The following GRIK2 variants were observed in gnomAD, a reference collection of about 807,000 sequenced individuals.
GRIK2 encodes the protein glutamate receptor ionotropic, kainate 2.
GRIK2 carries 32 observed loss-of-function variants against 100.3 expected under a neutral mutation model. The ratio of observed to expected loss-of-function variants is 0.32; its 90% CI spans 0.24 to 0.43. The LOEUF is 0.43. Ranked by LOEUF, GRIK2 falls within the 20% of genes least tolerant of loss-of-function variation. The pLI, the probability that GRIK2 is intolerant of heterozygous loss-of-function variation, is 1.00. For missense variants in GRIK2, 843 were observed against 1,114.9 expected (o/e 0.76, Z 3.47); for synonymous variants, 417 against 389.4 (o/e 1.07, Z -0.83).
intron 4 of GRIK2, among the ~76,000 whole-genome samples, chr6:101,656,482 G>T (rs1410700238): frequency 6.6e-6 from 1 of 152,034 alleles, no homozygotes; most frequent in Middle Eastern, 3.2e-3. Flanking sequence ...TTTCATTTCA[G>T]CAAATAGGAT....
chr6:101,505,631 AAAGGTGTAAGTAGCT>A (rs1773983201), intron 2 of GRIK2, among the ~76,000 whole-genome samples: 1 of 152,146 alleles, frequency 6.6e-6, no homozygotes, highest in South Asian at 2.1e-4. Flanking sequence ...ACAAAGTCCC[AAAGGTGTAAGTAGCT>A]AATGTACCCA....
rs373352122 is a variant in GRIK2 at position 101,789,130 on chromosome 6, C to A, written c.952-10518C>A. ...AGCCCTTTGTCAGATGAGTAGGTTG[C>A]GAAAATTTTCTCCCATTTTGTAGGT... On this transcript the variant is annotated intron_variant, in intron 7 of 16. Coordinates refer to ENST00000369134, the MANE Select transcript of GRIK2 (RefSeq NM_021956.5). 3.9e-5 allele frequency among the ~76,000 whole-genome samples: 6 copies of A among 152,070 alleles called. 1 individual carries two copies. The highest frequency in any genetic ancestry group is 1.9e-4 in the East Asian group (1 of 5,172).
At chr6:101,577,311 A>G (rs1179504122) in intron 2 of GRIK2, among the ~76,000 whole-genome samples, 1 of 152,136 alleles carries the variant, frequency 6.6e-6, no homozygotes, top group Non-Finnish European at 1.5e-5. Flanking sequence ...AATATGTCAT[A>G]AAAAGCTATA....
chr6:101,928,141 C>A, intron 13 of GRIK2: 1 of 381,948 alleles, frequency 2.6e-6, no homozygotes, highest in African/African-American at 2.0e-5. Flanking sequence ...AAAATGTTTA[C>A]TCATTAATAT....
At chr6:101,651,678 G>A (rs954849607) in intron 4 of GRIK2, among the ~76,000 whole-genome samples, 2 of 152,092 alleles carry the variant, frequency 1.3e-5, no homozygotes, top group South Asian at 4.1e-4. Flanking sequence ...ACATTAAAGT[G>A]AGAACTTAAA....
intron 15 of GRIK2, among the ~76,000 whole-genome samples, chr6:102,054,611 C>T (rs1234135264): frequency 2.0e-5 from 3 of 152,008 alleles, no homozygotes; most frequent in Admixed American, 1.3e-4. Context: ...ATAAACAATA[C>T]GTTTTATTTA....
chr6:101,788,546 T>A (rs972362915), intron 7 of GRIK2, among the ~76,000 whole-genome samples: 6 of 152,090 alleles, frequency 3.9e-5, no homozygotes, highest in African/African-American at 1.4e-4. Flanking sequence ...AACTCATCAT[T>A]TTTTTATGGC....
At position 102,035,327 on chromosome 6, in the gene GRIK2, T is replaced by C. The variant is rs374006013; in HGVS notation, c.2086-14T>C. The C allele has an allele frequency of 4.3e-4, 652 of 1,510,202 alleles. 1 individual carries two copies. The highest frequency in any genetic ancestry group is 2.2e-3 in the Middle Eastern group (13 of 5,800). The allele number at this position is 1,510,202 out of a possible 1,614,324, so 93.6% of individuals were successfully genotyped here. ...ATAACTTTCTCGTGACCAACTTATA[T>C]TTATTTTCTTCAGAAATCAAAAATC... On this transcript the variant is annotated splice_polypyrimidine_tract_variant and intron_variant, in intron 14 of 16. Transcript: ENST00000369134.
rs541362074 is a variant in GRIK2 at position 102,016,779 on chromosome 6, C to G, written c.2086-18562C>G. Among the ~76,000 whole-genome samples, 8 of 151,998 alleles carry G rather than the reference C, an allele frequency of 5.3e-5. No individual in the cohort carries two copies. In the South Asian group the frequency reaches 1.5e-3, roughly 28 times the overall value. ...CAAATTCAGGAAATGCAGAGAACTC[C>G]CACAAAATATTTCACAAGAAGATTA... On this transcript the variant is annotated intron_variant, in intron 14 of 16. Transcript: ENST00000369134.
intron 7 of GRIK2, among the ~76,000 whole-genome samples, chr6:101,736,735 A>G (rs1005871017): frequency 6.6e-6 from 1 of 152,166 alleles, no homozygotes; most frequent in African/African-American, 2.4e-5. Context: ...TGCCCTGGAA[A>G]CATTTTCCCC....
At chr6:101,788,908 T>G (rs1269717973) in intron 7 of GRIK2, among the ~76,000 whole-genome samples, 2 of 152,166 alleles carry the variant, frequency 1.3e-5, no homozygotes. Flanking sequence ...CCATTCTAAC[T>G]GGTGTGAGAT....
At chr6:102,029,772 C>T (rs1769888739) in intron 14 of GRIK2, among the ~76,000 whole-genome samples, 1 of 151,152 alleles carries the variant, frequency 6.6e-6, no homozygotes, top group East Asian at 2.0e-4. Flanking sequence ...TTTTTTTCAG[C>T]TTCACTGAGG....
At chr6:101,922,693 A>G (rs1789636606) in intron 12 of GRIK2, among the ~76,000 whole-genome samples, 1 of 152,112 alleles carries the variant, frequency 6.6e-6, no homozygotes, top group Non-Finnish European at 1.5e-5. Context: ...GGGCAGGGGA[A>G]CTAATGGCAT....
chr6:101,881,846 C>T (rs964641918), intron 11 of GRIK2, among the ~76,000 whole-genome samples: 2 of 152,006 alleles, frequency 1.3e-5, no homozygotes, highest in East Asian at 1.9e-4. Context: ...GAGCAAGACC[C>T]TGTCCCTAAA....
At chr6:101,546,850 AGACGGAGTCTCGCTCT>A (rs1776265615) in intron 2 of GRIK2, among the ~76,000 whole-genome samples, 1 of 25,364 alleles carries the variant, frequency 3.9e-5, no homozygotes, top group East Asian at 9.8e-4. Flanking sequence ...TTTTTTTTGG[AGACGGAGTCTCGCTCT>A]GTCGCCCAGG....
At chr6:101,903,970 A>C (rs944587296) in intron 12 of GRIK2, among the ~76,000 whole-genome samples, 5 of 151,550 alleles carry the variant, frequency 3.3e-5, no homozygotes, top group Non-Finnish European at 7.4e-5. Flanking sequence ...TTAGGAATTC[A>C]CTATTAACAA....
At chr6:101,541,422 A>C (rs1452547818) in intron 2 of GRIK2, among the ~76,000 whole-genome samples, 1 of 67,744 alleles carries the variant, frequency 1.5e-5, no homozygotes, top group African/African-American at 4.9e-5. Flanking sequence ...ACACACATAC[A>C]CACACACTAC....
chr6:101,985,011 A>C (rs2128490508), intron 14 of GRIK2, among the ~76,000 whole-genome samples: 1 of 151,726 alleles, frequency 6.6e-6, no homozygotes, highest in Non-Finnish European at 1.5e-5. Flanking sequence ...TCTTTGTTAA[A>C]CCCAAGGCTT....
intron 10 of GRIK2, among the ~76,000 whole-genome samples, chr6:101,844,098 G>GA (rs1001336387): frequency 6.6e-6 from 1 of 151,280 alleles, no homozygotes; most frequent in Non-Finnish European, 1.5e-5. Context: ...GTGTAATCAA[G>GA]AAAAAAAGAA....
Sources: allele counts gnomAD v4.1 joint callset (sites outside exome capture counted in the v4.1 genomes callset), GRCh38; gene constraint gnomAD v4.1.1; transcripts MANE v1.5; gene names NCBI Gene and HGNC (gene_info 2026-07-23, HGNC 2026-07-21).